Variants in RBFOX1 observed in about 807,000 individuals in gnomAD.
RBFOX1 encodes the protein RNA binding fox-1 homolog 1.
Under a neutral mutation model 57.7 loss-of-function variants are expected in RBFOX1, and 8 were observed. The observed-to-expected ratio is 0.14, with a 90% CI of 0.08 to 0.25. The LOEUF (loss-of-function observed/expected upper bound fraction) is 0.25, where lower values mean the gene tolerates loss of function less well. Among genes scored for constraint, RBFOX1 ranks in the 10% least tolerant of loss-of-function variants. RBFOX1 has a pLI of 1.00. For missense variants in RBFOX1, 611 were observed against 548.5 expected, an observed-to-expected ratio of 1.11 and a Z score of -1.14; for synonymous variants, 326 against 222.4, an observed-to-expected ratio of 1.47 and a Z score of -4.15.
chr16:7,642,013 G>T (rs918512628), intron 11 of RBFOX1, among the ~76,000 whole-genome samples: 59 of 152,128 alleles, frequency 3.9e-4, no homozygotes, highest in African/African-American at 1.4e-3. Flanking sequence ...TACTGGAAGG[G>T]CTGAGGTGGG....
At chr16:5,533,315 T>C (rs1218060121) in intron 2 of RBFOX1, among the ~76,000 whole-genome samples, 1 of 152,238 alleles carries the variant, frequency 6.6e-6, no homozygotes, top group East Asian at 1.9e-4. Flanking sequence ...ATAGGGCTTA[T>C]GGTATGTGCT....
At chr16:6,939,702 A>G (rs576741241) in intron 3 of RBFOX1, among the ~76,000 whole-genome samples, 1 of 151,756 alleles carries the variant, frequency 6.6e-6, no homozygotes, top group South Asian at 2.1e-4. Flanking sequence ...GGTAGAGTTG[A>G]GGCTTCACTA....
chr16:6,091,372 T>C (rs1014437950), intron 1 of RBFOX1, among the ~76,000 whole-genome samples: 6 of 152,246 alleles, frequency 3.9e-5, no homozygotes, highest in African/African-American at 1.4e-4. Context: ...CAGCACATTG[T>C]CATACTCTCT....
intron 4 of RBFOX1, among the ~76,000 whole-genome samples, chr16:7,346,415 G>C (rs572562677): frequency 4.6e-5 from 7 of 152,014 alleles, no homozygotes; most frequent in Non-Finnish European, 1.0e-4. Flanking sequence ...GGAGCATTTT[G>C]TACAGTTCCT....
In RBFOX1 at chr16:6,876,158, G is replaced by C. The variant is rs376066854; in HGVS notation, c.-15-175899G>C. 1.6e-4 allele frequency among the ~76,000 whole-genome samples: 24 copies of C among 151,958 alleles called. No individual in the cohort carries two copies. In the East Asian group the frequency reaches 3.3e-3, roughly 21 times the overall value. Reference sequence around the variant, plus strand: ...TGATTGCACCATTGCACTCCAGCCTGGGCAACAGAGGGTGAAGGACCCTCT... The same window carrying C: ...TGATTGCACCATTGCACTCCAGCCTCGGCAACAGAGGGTGAAGGACCCTCT... On this transcript the variant is annotated intron_variant, in intron 3 of 15. Coordinates refer to ENST00000550418, the MANE Select transcript of RBFOX1 (RefSeq NM_018723.4).
At chr16:5,472,802 C>T (rs1597207948) in intron 2 of RBFOX1, among the ~76,000 whole-genome samples, 2 of 152,280 alleles carry the variant, frequency 1.3e-5, no homozygotes, top group East Asian at 3.9e-4. Context: ...GCAGGATTTG[C>T]CATCTGATCC....
At position 5,755,868 on chromosome 16, in the gene RBFOX1, A is replaced by C. The variant is rs190443266; in HGVS notation, c.319-111435A>C. Among the ~76,000 whole-genome samples, 429 of 152,192 alleles carry C rather than the reference A, an allele frequency of 2.8e-3. 4 individuals carry two copies. Among genetic ancestry groups the C allele is most frequent in the African/African-American group, 9.9e-3 (413 of 41,520 alleles). The stretch of plus-strand genomic sequence containing the variant: ...CTGCCTCGGCCTCCCAAAGTGCTGG[A>C]ATTACAGGCGTGAGCTCTTGCACCC... On this transcript the variant is annotated intron_variant, in intron 3 of 19. Transcript: ENST00000641259.
intron 3 of RBFOX1, among the ~76,000 whole-genome samples, chr16:5,638,428 G>T (rs1459749214): frequency 1.3e-5 from 2 of 152,152 alleles, no homozygotes; most frequent in Non-Finnish European, 2.9e-5. Context: ...GAGTAACCAT[G>T]ATGATTGAAT....
chr16:6,269,312 G>C (rs67347747), intron 1 of RBFOX1, among the ~76,000 whole-genome samples: 21,455 of 151,966 alleles, frequency 0.14, 1,845 homozygotes, highest in Non-Finnish European at 0.18. Flanking sequence ...GAATATTTTT[G>C]ATGTGTGGTT....
chr16:7,028,762 C>G (rs2041777839), intron 3 of RBFOX1, among the ~76,000 whole-genome samples: 1 of 151,212 alleles, frequency 6.6e-6, no homozygotes, highest in Non-Finnish European at 1.5e-5. Flanking sequence ...CGTGGAGGTT[C>G]GTAATGTGAG....
At chr16:7,001,238 T>C (rs2092760579) in intron 3 of RBFOX1, among the ~76,000 whole-genome samples, 3 of 152,122 alleles carry the variant, frequency 2.0e-5, no homozygotes, top group Non-Finnish European at 1.5e-5. Flanking sequence ...CCAGTGGGAA[T>C]GTCTTTCTGC....
intron 6 of RBFOX1, 75 bp downstream of exon 6, chr16:7,579,995 G>A: frequency 6.6e-7 from 1 of 1,510,356 alleles, no homozygotes; most frequent in Non-Finnish European, 9.1e-7. Flanking sequence ...GTAAGTTTGG[G>A]GTATTTACAA....
At chr16:6,967,502 A>T (rs758873596) in intron 3 of RBFOX1, among the ~76,000 whole-genome samples, 12 of 152,166 alleles carry the variant, frequency 7.9e-5, no homozygotes, top group Admixed American at 6.5e-5. Flanking sequence ...ACGTTATTTC[A>T]GAAGAAAAAC....
At chr16:7,355,903 A>C (rs1337239177) in intron 4 of RBFOX1, among the ~76,000 whole-genome samples, 1 of 152,216 alleles carries the variant, frequency 6.6e-6, no homozygotes, top group Non-Finnish European at 1.5e-5. Context: ...GCTGACAGCC[A>C]AAGGCAATCT....
intron 4 of RBFOX1, among the ~76,000 whole-genome samples, chr16:7,315,147 C>T (rs1469911272): frequency 6.6e-6 from 1 of 151,096 alleles, no homozygotes; most frequent in Non-Finnish European, 1.5e-5. Context: ...TTATGTCATG[C>T]ATTTCATTTT....
At chr16:6,970,208 C>T (rs900338665) in intron 3 of RBFOX1, among the ~76,000 whole-genome samples, 5 of 151,834 alleles carry the variant, frequency 3.3e-5, no homozygotes, top group African/African-American at 1.2e-4. Context: ...AAACAAAAAA[C>T]CCCAAAATCA....
chr16:5,928,430 G>A (rs1181659162), intron 4 of RBFOX1, among the ~76,000 whole-genome samples: 1 of 151,514 alleles, frequency 6.6e-6, no homozygotes, highest in Non-Finnish European at 1.5e-5. Flanking sequence ...AAAAAAGTAT[G>A]TGAGATGATG....
chr16:5,894,731 C>T (rs2058120889), intron 4 of RBFOX1, among the ~76,000 whole-genome samples: 1 of 152,074 alleles, frequency 6.6e-6, no homozygotes, highest in Non-Finnish European at 1.5e-5. Context: ...ACAGGAAATT[C>T]ATCTACAGGG....
intron 4 of RBFOX1, among the ~76,000 whole-genome samples, chr16:5,945,671 C>T (rs947832441): frequency 3.9e-5 from 6 of 152,328 alleles, no homozygotes; most frequent in Admixed American, 2.0e-4. Flanking sequence ...GGCTTTAGCA[C>T]CCCTGCCCTT....
Sources: allele counts gnomAD v4.1 joint callset (sites outside exome capture counted in the v4.1 genomes callset), GRCh38; gene constraint gnomAD v4.1.1; transcripts MANE v1.5; gene names NCBI Gene and HGNC (gene_info 2026-07-23, HGNC 2026-07-21).